Variants in BPIFB3 observed in about 807,000 individuals in gnomAD.
BPIFB3 encodes the protein BPI fold-containing family B member 3.
Under a neutral mutation model 53.1 loss-of-function variants are expected in BPIFB3, and 49 were observed. That is an observed-to-expected ratio of 0.92 (90% confidence interval 0.73 to 1.17). BPIFB3 has a LOEUF of 1.17. BPIFB3 is among the 50% of genes most tolerant of loss of function. The probability of loss-of-function intolerance (pLI) is 0.00; values close to 1 mark genes in which losing one functional copy is unlikely to be tolerated. For missense variants in BPIFB3, 628 were observed against 592.5 expected (o/e 1.06, Z -0.62); for synonymous variants, 271 against 269.6 (o/e 1.01, Z -0.05).
exon 15 of BPIFB3, chr20:33,073,617 G>T (rs1980991971): frequency 6.2e-7 from 1 of 1,613,712 alleles, no homozygotes; most frequent in Admixed American, 1.7e-5. Context: ...GCTGAGACAT[G>T]GCCACCAGCC....
chr20:33,063,383 G>A (rs2146385608), intron 5 of BPIFB3, among the ~76,000 whole-genome samples: 1 of 152,250 alleles, frequency 6.6e-6, no homozygotes, highest in South Asian at 2.1e-4. Context: ...GTTTTCTAAT[G>A]GGGCTCTTGT....
intron 10 of BPIFB3, 73 bp from the exon 12 acceptor site, chr20:33,069,815 T>C (rs2146391602): frequency 6.8e-7 from 1 of 1,467,472 alleles, no homozygotes; most frequent in Non-Finnish European, 9.5e-7. Flanking sequence ...ACGGAACAGA[T>C]GGATGGAGGC....
At chr20:33,060,904 G>A (rs1980428306) in intron 4 of BPIFB3, among the ~76,000 whole-genome samples, 1 of 152,160 alleles carries the variant, frequency 6.6e-6, no homozygotes, top group Admixed American at 6.5e-5. Flanking sequence ...AGGCCCAGAG[G>A]TCTCCTTGCC....
intron 6 of BPIFB3, 112 bp downstream of exon 7, chr20:33,063,787 A>G (rs1013095777): frequency 1.8e-6 from 2 of 1,093,818 alleles, no homozygotes; most frequent in Non-Finnish European, 2.6e-6. Flanking sequence ...AGGGTCCTTT[A>G]GTTCCTCCTC....
At chr20:33,063,049 G>C (rs554597384) in intron 5 of BPIFB3, among the ~76,000 whole-genome samples, 1 of 152,320 alleles carries the variant, frequency 6.6e-6, no homozygotes, top group African/African-American at 2.4e-5. Context: ...ATGGGACTCA[G>C]GTTCTGTGAT....
chr20:33,058,704 C>T (rs1207771691), intron 2 of BPIFB3, among the ~76,000 whole-genome samples: 1 of 152,058 alleles, frequency 6.6e-6, no homozygotes, highest in African/African-American at 2.4e-5. Flanking sequence ...TGGAGTCTGA[C>T]AGCGAAGATC....
At position 33,057,027 on chromosome 20, in the gene BPIFB3, G is replaced by A. The variant is rs537258997; in HGVS notation, c.281+329G>A. ...AGGTGTCCGCTCAAAAGAGGTGTGGGCTGATTAGCCCTTTCTTATCCCCAC... is the reference window on the plus strand; with the variant it reads ...AGGTGTCCGCTCAAAAGAGGTGTGGACTGATTAGCCCTTTCTTATCCCCAC... On this transcript the variant is annotated intron_variant, in intron 2 of 14. Coordinates refer to ENST00000375494, the Ensembl canonical transcript of BPIFB3. 2.0e-5 allele frequency among the ~76,000 whole-genome samples: 3 copies of A among 152,234 alleles called. No homozygotes were observed. The East Asian group carries it at 5.8e-4, about 29-fold the overall frequency.
At chr20:33,066,917 T>A in intron 9 of BPIFB3, 40 bp downstream of exon 10, 1 of 1,596,928 alleles carries the variant, frequency 6.3e-7, no homozygotes, top group Non-Finnish European at 8.6e-7. Flanking sequence ...TTGTAGCTCT[T>A]TCCTGATGAC....
chr20:33,058,368 C>T (rs1314943583), intron 2 of BPIFB3, among the ~76,000 whole-genome samples: 1 of 152,134 alleles, frequency 6.6e-6, no homozygotes, highest in East Asian at 1.9e-4. Context: ...CCCTATTTTA[C>T]AGATGGGGAA....
In BPIFB3 at chr20:33,065,088, A is replaced by G. The variant is rs78787573; in HGVS notation, c.924+243A>G. Among the ~76,000 whole-genome samples the G allele has an allele frequency of 6.2e-3, 941 of 152,266 alleles. 5 individuals are homozygous for G. The highest frequency in any genetic ancestry group is 0.021 in the African/African-American group (858 of 41,546). On this transcript the variant is annotated intron_variant, in intron 8 of 14. Coordinates refer to ENST00000375494, the Ensembl canonical transcript of BPIFB3. ...GACTGGGACTTCTGAATCCTTCTCA[A>G]CTTGGCACTCCAGGAGGTCACTTTC...
chr20:33,068,881 A>G (rs1395250485), exon 10 of BPIFB3: 2 of 1,613,850 alleles, frequency 1.2e-6, no homozygotes, highest in Non-Finnish European at 1.7e-6. Context: ...CACACTCCAC[A>G]ACAAGAAGGC....
intron 8 of BPIFB3, among the ~76,000 whole-genome samples, chr20:33,066,516 A>G (rs111513958): frequency 6.6e-6 from 1 of 152,274 alleles, no homozygotes; most frequent in African/African-American, 2.4e-5. Context: ...CCACTTACCA[A>G]TTGTGTGACC....
At position 33,059,919 on chromosome 20, in the gene BPIFB3, G is replaced by A. The variant is rs199504781; in HGVS notation, c.415G>A (p.Ala139Thr). 299 of 1,614,082 alleles carry A rather than the reference G, an allele frequency of 1.9e-4. 1 individual carries two copies. In the East Asian group the frequency reaches 6.5e-3, roughly 35 times the overall value. The change falls in exon 4 of 15, where the codon GCG becomes ACG. Residue 139 changes from alanine (A) to threonine (T), a missense_variant. Physicochemically the swap from Ala to Thr is moderately conservative, Grantham distance 58 (BLOSUM62 0). Coordinates refer to ENST00000375494, the Ensembl canonical transcript of BPIFB3. The stretch of plus-strand genomic sequence containing the variant: ...CCTTGGTGGCCTTCTGCAGCTGGCT[G>A]CGGAGGTGAACGTGACATCGCGGGT...
At chr20:33,063,314 C>T (rs911627585) in intron 5 of BPIFB3, among the ~76,000 whole-genome samples, 3 of 152,146 alleles carry the variant, frequency 2.0e-5, no homozygotes, top group Non-Finnish European at 4.4e-5. Flanking sequence ...AGGCCTTGTC[C>T]GCATGCCCAA....
chr20:33,057,795 G>A (rs1282570181), intron 2 of BPIFB3, among the ~76,000 whole-genome samples: 1 of 151,094 alleles, frequency 6.6e-6, no homozygotes, highest in Non-Finnish European at 1.5e-5. Flanking sequence ...ACATAGGATT[G>A]CAGAACACAG....
intron 10 of BPIFB3, 105 bp downstream of exon 11, chr20:33,069,078 C>G: frequency 1.5e-6 from 2 of 1,316,192 alleles, no homozygotes; most frequent in Non-Finnish European, 2.1e-6. Context: ...AGGGTGGGAG[C>G]CCCACATAGT....
At chr20:33,059,427 C>T in exon 3 of BPIFB3, 1 of 1,613,082 alleles carries the variant, frequency 6.2e-7, no homozygotes, top group Non-Finnish European at 8.5e-7. Flanking sequence ...GAAGCTGCTG[C>T]CGGGATTTGG....
chr20:33,072,793 G>A lies in BPIFB3; in HGVS notation c.1401G>A (p.Glu467=), dbSNP rs753965772. ...CCAATTCAGTTCTGGAGATCGTAGA[G>A]GTGAGCCTTCTCTGCAGATACGGCC... Residue 467 remains glutamate (E), a splice_region_variant and synonymous_variant, in exon 14 of 15, where the codon GAG becomes GAA. Coordinates refer to ENST00000375494, the Ensembl canonical transcript of BPIFB3. 8 of 1,611,924 alleles carry A rather than the reference G, an allele frequency of 5.0e-6. No individual in the cohort carries two copies. In the Admixed American group the frequency reaches 1.3e-4, roughly 27 times the overall value.
intron 11 of BPIFB3, 46 bp from the exon 13 acceptor site, chr20:33,071,207 T>A (rs781033449): frequency 1.1e-6 from 1 of 914,868 alleles, no homozygotes. Context: ...GGGACAGGGG[T>A]GGTTGGGGGT....
Sources: gnomAD v4.1 joint callset for allele counts (sites outside exome capture counted in the v4.1 genomes callset) on GRCh38, gnomAD v4.1.1 for gene constraint, MANE v1.5 for transcripts, NCBI Gene and HGNC (gene_info 2026-07-23, HGNC 2026-07-21) for gene names.